The following TM9SF2 variants were observed in gnomAD, a reference collection of about 807,000 sequenced individuals.
The protein encoded by TM9SF2 is transmembrane 9 superfamily member 2.
In TM9SF2, 13 loss-of-function variants were observed where a neutral mutation model predicts 84.9. The observed-to-expected ratio is 0.15, with a 90% CI of 0.10 to 0.24. TM9SF2 has a LOEUF of 0.24. TM9SF2 is among the 10% of genes least tolerant of loss of function. The probability of loss-of-function intolerance (pLI) is 1.00; values close to 1 mark genes in which losing one functional copy is unlikely to be tolerated. For synonymous variants in TM9SF2, 273 were observed against 285.8 expected, an observed-to-expected ratio of 0.96 and a Z score of 0.45; for missense variants, 562 against 818.5, an observed-to-expected ratio of 0.69 and a Z score of 3.82.
chr13:99,533,250 G>A (rs1238398640), intron 4 of TM9SF2, among the ~76,000 whole-genome samples: 1 of 152,134 alleles, frequency 6.6e-6, no homozygotes, highest in Non-Finnish European at 1.5e-5. Flanking sequence ...GAAAACACAA[G>A]CAGTACAAGA....
chr13:99,523,128 C>T (rs750324636), intron 3 of TM9SF2, among the ~76,000 whole-genome samples: 7 of 152,104 alleles, frequency 4.6e-5, no homozygotes, highest in Non-Finnish European at 1.0e-4. Flanking sequence ...TTTCATTTCA[C>T]TATTGATTCT....
chr13:99,549,449 T>G (rs1324369459), intron 12 of TM9SF2, among the ~76,000 whole-genome samples: 2 of 152,216 alleles, frequency 1.3e-5, no homozygotes, highest in Non-Finnish European at 2.9e-5. Flanking sequence ...TTTTAATTCC[T>G]TCTCTTCAAA....
chr13:99,549,749 A>G (rs923628022), intron 12 of TM9SF2, among the ~76,000 whole-genome samples: 1 of 152,202 alleles, frequency 6.6e-6, no homozygotes, highest in African/African-American at 2.4e-5. Flanking sequence ...TTCTGGTCCT[A>G]GAAGCAAAAC....
intron 5 of TM9SF2, 85 bp from the exon 6 acceptor site, chr13:99,537,654 C>T (rs1195665638): frequency 6.5e-6 from 7 of 1,083,450 alleles, no homozygotes; most frequent in South Asian, 3.6e-5. Context: ...AATTTTCTTA[C>T]TTGTTGTAGC....
intron 10 of TM9SF2, 124 bp downstream of exon 10, chr13:99,544,119 A>G (rs1464711283): frequency 1.5e-5 from 16 of 1,035,066 alleles, no homozygotes; most frequent in Non-Finnish European, 2.1e-5. Context: ...TGGGAGGCCA[A>G]GGCGGGTGGA....
At chr13:99,542,388 G>T (rs546037305) in intron 9 of TM9SF2, among the ~76,000 whole-genome samples, 16 of 152,256 alleles carry the variant, frequency 1.1e-4, no homozygotes, top group African/African-American at 3.9e-4. Flanking sequence ...TAACAAATTT[G>T]TATCATTTCA....
In TM9SF2 at chr13:99,562,992, G is replaced by T. The variant is rs1052596067; in HGVS notation, c.*234G>T. 7.8e-6 allele frequency: 3 copies of T among 385,220 alleles called. No individual in the cohort carries two copies. Among genetic ancestry groups the T allele is most frequent in the Non-Finnish European group, 1.4e-5 (3 of 216,162 alleles). 23.9% of individuals were successfully genotyped at this position (385,220 alleles called of 1,614,324 possible). A position where few individuals can be genotyped will look rare whatever the true frequency, so the allele number is the denominator to read the frequency against. ...AAGTATATATTTGGTTGTTCTCAATGAAGAGCAAATTTAAATATTATGTGC... is the reference window on the plus strand; with the variant it reads ...AAGTATATATTTGGTTGTTCTCAATTAAGAGCAAATTTAAATATTATGTGC... On this transcript the variant is annotated 3_prime_UTR_variant, in exon 17 of 17. Coordinates refer to ENST00000376387, the MANE Select transcript of TM9SF2 (RefSeq NM_004800.3).
intron 1 of TM9SF2, among the ~76,000 whole-genome samples, chr13:99,503,227 A>G (rs573649240): frequency 3.3e-5 from 5 of 152,334 alleles, no homozygotes; most frequent in East Asian, 1.9e-4. Context: ...CAGCAGTTGT[A>G]TATTCTATTC....
intron 6 of TM9SF2, among the ~76,000 whole-genome samples, chr13:99,538,172 G>A (rs762885900): frequency 2.6e-5 from 4 of 152,152 alleles, no homozygotes; most frequent in African/African-American, 9.7e-5. Flanking sequence ...GGTCCCCTTC[G>A]TGGTGGAAAG....
In TM9SF2 at chr13:99,560,847, A is replaced by G. The variant is rs902468660; in HGVS notation, c.1924+1313A>G. ...CAGGCGCCCGCCACTGCGCCCGGCT[A>G]ATTTTTTTTATTTTTAGTAGAGATG... On this transcript the variant is annotated intron_variant, in intron 16 of 16. Transcript: ENST00000376387. 5.9e-5 allele frequency among the ~76,000 whole-genome samples: 9 copies of G among 151,764 alleles called. No individual in the cohort carries two copies. In the South Asian group the frequency reaches 8.3e-4, roughly 14 times the overall value.
chr13:99,519,471 T>C (rs1473764448), intron 2 of TM9SF2: 1 of 152,766 alleles, frequency 6.5e-6, no homozygotes, highest in African/African-American at 2.4e-5. Context: ...AACAGAACTT[T>C]ATTAAAGTTG....
chr13:99,503,263 A>G (rs1299509386), intron 1 of TM9SF2, among the ~76,000 whole-genome samples: 1 of 152,164 alleles, frequency 6.6e-6, no homozygotes, highest in Non-Finnish European at 1.5e-5. Flanking sequence ...TGAAAAATAT[A>G]TTTCCTGCCC....
intron 1 of TM9SF2, among the ~76,000 whole-genome samples, chr13:99,506,730 A>G (rs894825986): frequency 2.6e-5 from 4 of 152,184 alleles, no homozygotes; most frequent in Non-Finnish European, 4.4e-5. Flanking sequence ...CAAATCACAG[A>G]TATATGTTCC....
chr13:99,523,334 A>G (rs2046168451), intron 3 of TM9SF2, among the ~76,000 whole-genome samples: 1 of 151,936 alleles, frequency 6.6e-6, no homozygotes, highest in Admixed American at 6.6e-5. Context: ...TATTTTTTGG[A>G]GAGACAGGGT....
chr13:99,515,540 G>T (rs1240883153), intron 1 of TM9SF2, among the ~76,000 whole-genome samples: 3 of 152,302 alleles, frequency 2.0e-5, no homozygotes, highest in Admixed American at 2.0e-4. Flanking sequence ...TACATGCAAA[G>T]GCTAATGCCC....
Position 99,521,776 on chromosome 13 carries a change from A to G in TM9SF2, c.333+1647A>G, listed in dbSNP as rs77463386. On this transcript the variant is annotated intron_variant, in intron 3 of 16. Coordinates refer to ENST00000376387, the MANE Select transcript of TM9SF2 (RefSeq NM_004800.3). ...GGCTGGAGTGACGTGGCACAATCAT[A>G]GGTTACTGCAGCCTCAGACTCCTAG... 5.2e-3 allele frequency among the ~76,000 whole-genome samples: 794 copies of G among 152,096 alleles called. 1 individual carries two copies. Among genetic ancestry groups the G allele is most frequent in the Non-Finnish European group, 9.7e-3 (658 of 67,984 alleles).
chr13:99,555,583 T>A lies in TM9SF2; in HGVS notation c.1688T>A (p.Ile563Asn), dbSNP rs1464320039. 6.2e-7 allele frequency: 1 copy of A among 1,614,078 alleles called. No homozygotes were observed. The highest frequency in any genetic ancestry group is 1.3e-5 in the African/African-American group (1 of 75,060). Residue 563 changes from isoleucine (I) to asparagine (N), a missense_variant, in exon 15 of 17, where the codon ATC (isoleucine) becomes AAC (asparagine). Ile to Asn is a moderately radical substitution (Grantham distance 149). This residue lies in a region of TM9SF2 where 13 missense variants were observed against 54.6 expected (regional missense o/e 0.24). Coordinates refer to ENST00000376387, the MANE Select transcript of TM9SF2 (RefSeq NM_004800.3). ...YMFGFLFLVFIILVITCSEAT... is the reference protein window; with the variant it reads ...YMFGFLFLVFNILVITCSEAT... Reference sequence around the variant, plus strand: ...TTTGGCTTCCTATTTCTGGTGTTTATCATTTTGGTTATTACCTGTTCTGAA... The same window carrying A: ...TTTGGCTTCCTATTTCTGGTGTTTAACATTTTGGTTATTACCTGTTCTGAA...
chr13:99,535,847 T>A (rs2046231802), intron 4 of TM9SF2, among the ~76,000 whole-genome samples: 1 of 152,216 alleles, frequency 6.6e-6, no homozygotes. Context: ...GTAATGTAGT[T>A]ATATGGTGCT....
In TM9SF2 at chr13:99,543,940, A is replaced by G. The variant is rs561310838; in HGVS notation, c.1095A>G (p.Leu365=). The G allele has an allele frequency of 1.7e-4, 274 of 1,614,054 alleles. No individual in the cohort carries two copies. The highest frequency in any genetic ancestry group is 2.2e-4 in the Non-Finnish European group (261 of 1,180,018). ...GTCCTCCAAGAAAAGGGATGCTGCT[A>G]TCAGTCTTTCTAGGATCCGGGACAC... is the stretch of plus-strand genomic sequence containing the variant. ...IFRPPRKGML[L]SVFLGSGTQI... Residue 365 remains leucine, a synonymous_variant, in exon 10 of 17, where the codon CTA becomes CTG. Coordinates refer to ENST00000376387, the MANE Select transcript of TM9SF2 (RefSeq NM_004800.3).
Sources: gnomAD v4.1 joint callset for allele counts (sites outside exome capture counted in the v4.1 genomes callset) on GRCh38, gnomAD v4.1.1 for gene constraint, gnomAD v4.1.1 regional missense constraint, MANE v1.5 for transcripts, NCBI Gene and HGNC (gene_info 2026-07-23, HGNC 2026-07-21) for gene names.